SFSWAP: variants seen among roughly 807,000 people sequenced by gnomAD.
The protein encoded by SFSWAP is splicing factor SWAP, also known as splicing factor, suppressor of white-apricot homolog.
In SFSWAP, 17 loss-of-function variants were observed where a neutral mutation model predicts 100.7. The ratio of observed to expected loss-of-function variants is 0.17; its 90% CI spans 0.12 to 0.25. SFSWAP has a LOEUF of 0.25. Ranked by LOEUF, SFSWAP falls within the 10% of genes least tolerant of loss-of-function variation. The probability of loss-of-function intolerance (pLI) is 1.00; values close to 1 mark genes in which losing one functional copy is unlikely to be tolerated. For missense variants in SFSWAP, 1,005 were observed against 1,262.6 expected, an observed-to-expected ratio of 0.80 and a Z score of 3.09; for synonymous variants, 504 against 510.1, an observed-to-expected ratio of 0.99 and a Z score of 0.16.
At chr12:131,768,239 T>C (rs1303971849) in intron 13 of SFSWAP, among the ~76,000 whole-genome samples, 1 of 152,228 alleles carries the variant, frequency 6.6e-6, no homozygotes, top group Non-Finnish European at 1.5e-5. Context: ...CGCAGCCACG[T>C]TGCTCCAAGT....
At chr12:131,767,348 G>T (rs954818682) in intron 13 of SFSWAP, among the ~76,000 whole-genome samples, 1 of 152,126 alleles carries the variant, frequency 6.6e-6, no homozygotes, top group African/African-American at 2.4e-5. Flanking sequence ...ATTCTTTATA[G>T]TAGTTATGTC....
intron 8 of SFSWAP, 66 bp from the exon 9 acceptor site, chr12:131,754,302 G>A (rs930520740): frequency 1.8e-5 from 24 of 1,347,434 alleles, no homozygotes; most frequent in South Asian, 7.0e-5. Flanking sequence ...GAGGACCCCC[G>A]AGCAGCCAGG....
chr12:131,740,163 A>G (rs1201359121), intron 7 of SFSWAP, among the ~76,000 whole-genome samples: 2 of 151,932 alleles, frequency 1.3e-5, no homozygotes, highest in Non-Finnish European at 2.9e-5. Context: ...ATGACTACCT[A>G]TTTGGGTTTG....
chr12:131,790,088 C>A (rs889498296), intron 15 of SFSWAP, among the ~76,000 whole-genome samples: 5 of 152,206 alleles, frequency 3.3e-5, no homozygotes, highest in African/African-American at 1.2e-4. Flanking sequence ...CTCTCTTCTT[C>A]CTTCTGTGTT....
At chr12:131,767,014 A>T (rs538633739) in intron 13 of SFSWAP, among the ~76,000 whole-genome samples, 263 of 141,690 alleles carry the variant, frequency 1.9e-3, no homozygotes, top group Admixed American at 0.017. Context: ...GATTGCTCCC[A>T]TGCGTGTCCG....
At chr12:131,732,118 C>G (rs1307260445) in intron 7 of SFSWAP, among the ~76,000 whole-genome samples, 1 of 151,946 alleles carries the variant, frequency 6.6e-6, no homozygotes, top group African/African-American at 2.4e-5. Context: ...CCATGTTGGC[C>G]AGGCTGGTCT....
chr12:131,761,582 C>G lies in SFSWAP; in HGVS notation c.1721-2874C>G, dbSNP rs1031912591. 2.2e-4 allele frequency among the ~76,000 whole-genome samples: 33 copies of G among 152,148 alleles called. 1 individual carries two copies. Among genetic ancestry groups the G allele is most frequent in the Admixed American group, 1.8e-3 (28 of 15,272 alleles). On this transcript the variant is annotated intron_variant, in intron 11 of 17. Coordinates refer to ENST00000261674, the MANE Select transcript of SFSWAP (RefSeq NM_004592.4). ...CAGTGCAAACGTGGAGCAGTGGCCC[C>G]GATCACTCAGGGACGTGGCAGCCTT...
chr12:131,793,966 G>A (rs770186735), intron 15 of SFSWAP, among the ~76,000 whole-genome samples: 2 of 152,152 alleles, frequency 1.3e-5, no homozygotes, highest in Non-Finnish European at 2.9e-5. Flanking sequence ...ATTGGGAAAC[G>A]TGTGCAGTTT....
intron 7 of SFSWAP, among the ~76,000 whole-genome samples, chr12:131,738,483 T>TA (rs1439118268): frequency 6.6e-6 from 1 of 152,218 alleles, no homozygotes; most frequent in African/African-American, 2.4e-5. Context: ...TAGAAATACT[T>TA]ACGTTAAAGT....
At chr12:131,722,319 T>C (rs930419918) in intron 4 of SFSWAP, among the ~76,000 whole-genome samples, 1 of 152,200 alleles carries the variant, frequency 6.6e-6, no homozygotes, top group Admixed American at 6.5e-5. Context: ...CCCAGCTCTT[T>C]GGGAGACTAA....
Position 131,715,098 on chromosome 12 carries a change from C to T in SFSWAP, c.520+145C>T, listed in dbSNP as rs973157116. The T allele has an allele frequency of 1.5e-5, 11 of 718,706 alleles. No homozygotes were observed. In the African/African-American group the frequency reaches 1.7e-4, roughly 11 times the overall value. 44.5% of individuals were successfully genotyped at this position (718,706 alleles called of 1,614,324 possible). Reference sequence around the variant, plus strand: ...ACAGGAGAAAACGGGAGTGATATTCCTTCTTTTGGTAAAACGAAGTTAAAA... The same window carrying T: ...ACAGGAGAAAACGGGAGTGATATTCTTTCTTTTGGTAAAACGAAGTTAAAA... On this transcript the variant is annotated intron_variant, in intron 3 of 17. Coordinates refer to ENST00000261674, the MANE Select transcript of SFSWAP (RefSeq NM_004592.4).
At chr12:131,783,904 T>G (rs1004382561) in intron 14 of SFSWAP, 6 of 149,960 alleles carry the variant, frequency 4.0e-5, no homozygotes, top group African/African-American at 1.5e-4. Flanking sequence ...TTAGGAGTCT[T>G]GTTTAGCATT....
Position 131,714,662 on chromosome 12 carries a change from TGATA to T in SFSWAP, c.389-155_389-152del. The T allele has an allele frequency of 1.6e-6, 1 of 640,812 alleles. No homozygotes were observed. Among genetic ancestry groups the T allele is most frequent in the Non-Finnish European group, 2.7e-6 (1 of 377,046 alleles). 39.7% of individuals were successfully genotyped at this position (640,812 alleles called of 1,614,324 possible). ...AACATGTACTGACAAAAGTACATAATGATAGATATAAAGTGTGAATTTTTAAAAC... is the reference window on the plus strand; with the variant it reads ...AACATGTACTGACAAAAGTACATAATGATATAAAGTGTGAATTTTTAAAAC... On this transcript the variant is annotated intron_variant, in intron 2 of 17. Coordinates refer to ENST00000261674, the MANE Select transcript of SFSWAP (RefSeq NM_004592.4). The surrounding 1 kb of genome is among the most constrained non-coding windows in gnomAD (Gnocchi z 6.0).
At chr12:131,791,621 G>A (rs1016655962) in intron 15 of SFSWAP, among the ~76,000 whole-genome samples, 7 of 149,682 alleles carry the variant, frequency 4.7e-5, no homozygotes, top group African/African-American at 1.7e-4. Context: ...GTGTGGTAGT[G>A]TGCGTCTGTA....
intron 7 of SFSWAP, among the ~76,000 whole-genome samples, chr12:131,732,601 C>T (rs1879616408): frequency 6.6e-6 from 1 of 152,234 alleles, no homozygotes; most frequent in Non-Finnish European, 1.5e-5. Flanking sequence ...CTGCTCTCGG[C>T]TTGCTCCTCG....
rs898449261 is a variant in SFSWAP, at chr12:131,714,788, A to G, written c.389-34A>G. 4.4e-6 allele frequency: 7 copies of G among 1,596,366 alleles called. No individual in the cohort carries two copies. The highest frequency in any genetic ancestry group is 1.3e-5 in the African/African-American group (1 of 74,400). On this transcript the variant is annotated intron_variant, in intron 2 of 17. Transcript: ENST00000261674. This position sits in a 1 kb window ranked among gnomAD's most constrained non-coding sequence, Gnocchi z 6.0. The stretch of plus-strand genomic sequence containing the variant: ...ATAAAGTTTTTCTCAGTAATTTTCT[A>G]TTTTTGTTGATAAAATTCTCATTTT...
At chr12:131,765,889 GC>G (rs1438874600) in intron 12 of SFSWAP, among the ~76,000 whole-genome samples, 1 of 152,164 alleles carries the variant, frequency 6.6e-6, no homozygotes, top group Non-Finnish European at 1.5e-5. Flanking sequence ...CATTATTCCA[GC>G]TTTCGTTAGT....
rs542862111 is a variant in SFSWAP at position 131,797,212 on chromosome 12, C to T, written c.2569C>T (p.Arg857Trp). The T allele has an allele frequency of 1.7e-5, 27 of 1,611,590 alleles. No individual in the cohort carries two copies. The highest frequency in any genetic ancestry group is 1.2e-4 in the Admixed American group (7 of 60,012). ...PHEKKKKRRS[R>W]SRTKSKARSQ... The stretch of plus-strand genomic sequence containing the variant: ...CGAGAAGAAGAAGAAGAGGCGGTCC[C>T]GGTCGCGGACCAAGTCCAAGGCCAG... The change falls in exon 16 of 18, where the codon CGG becomes TGG. Residue 857 changes from arginine to tryptophan, a missense_variant. Arg to Trp is a moderately radical substitution (Grantham distance 101, BLOSUM62 -3). Around this residue, in one of 7 missense-constraint regions of SFSWAP, gnomAD observed 295 missense variants for 347.9 expected, o/e 0.85. Transcript: ENST00000261674.
intron 4 of SFSWAP, among the ~76,000 whole-genome samples, chr12:131,721,577 T>C (rs951038475): frequency 1.3e-5 from 2 of 152,256 alleles, no homozygotes; most frequent in African/African-American, 4.8e-5. Flanking sequence ...TATGGAATTT[T>C]ACTTGTTTTT....
Sources: gnomAD v4.1 joint callset for allele counts (sites outside exome capture counted in the v4.1 genomes callset) on GRCh38, gnomAD v4.1.1 for gene constraint, gnomAD v4.1.1 regional missense constraint, Gnocchi (gnomAD v3.1) non-coding constraint, MANE v1.5 for transcripts, NCBI Gene and HGNC (gene_info 2026-07-23, HGNC 2026-07-21) for gene names.